The following SOX5 variants were observed in gnomAD, a reference collection of about 807,000 sequenced individuals.
SOX5 encodes the protein transcription factor SOX-5.
In SOX5, 9 loss-of-function variants were observed where a neutral mutation model predicts 92.0. The ratio of observed to expected loss-of-function variants is 0.10; its 90% CI spans 0.06 to 0.17. SOX5 has a LOEUF of 0.17. Ranked by LOEUF, SOX5 falls within the 10% of genes least tolerant of loss-of-function variation. The probability of loss-of-function intolerance (pLI) is 1.00; values close to 1 mark genes in which losing one functional copy is unlikely to be tolerated. For synonymous variants in SOX5, 344 were observed against 336.3 expected (o/e 1.02, Z -0.25); for missense variants, 642 against 944.5 (o/e 0.68, Z 4.20).
Position 23,741,067 on chromosome 12 carries a change from C to A in SOX5, c.569-28G>T, listed in dbSNP as rs760274998. The A allele has an allele frequency of 1.9e-5, 29 of 1,507,730 alleles. No homozygotes were observed. In the South Asian group the frequency reaches 2.4e-4, roughly 13 times the overall value. 93.4% of individuals were successfully genotyped at this position (1,507,730 alleles called of 1,614,324 possible). On this transcript the variant is annotated intron_variant, in intron 4 of 14. Coordinates refer to ENST00000451604, the MANE Select transcript of SOX5 (RefSeq NM_006940.6). Reference sequence around the variant, plus strand: ...ACAAATCATATAGCAATAAAACAGACAAAATAAATGAAAAAAAGTAATTAT... The same window carrying A: ...ACAAATCATATAGCAATAAAACAGAAAAAATAAATGAAAAAAAGTAATTAT...
chr12:24,375,234 A>G (rs1957139718), intron 1 of SOX5, among the ~76,000 whole-genome samples: 3 of 151,498 alleles, frequency 2.0e-5, no homozygotes, highest in African/African-American at 7.3e-5. Flanking sequence ...CAGCCTCCCA[A>G]AGTGCTGGGA....
At chr12:24,233,079 G>C (rs1335163615) in intron 3 of SOX5, among the ~76,000 whole-genome samples, 2 of 152,154 alleles carry the variant, frequency 1.3e-5, no homozygotes, top group Non-Finnish European at 2.9e-5. Context: ...TTCAGAAACT[G>C]TTCTCAGAGC....
chr12:23,916,442 G>A (rs188070703), intron 1 of SOX5, among the ~76,000 whole-genome samples: 24 of 152,242 alleles, frequency 1.6e-4, no homozygotes, highest in Admixed American at 6.5e-4. Context: ...GAGTGATGTC[G>A]AGATAGTTTA....
chr12:24,264,630 T>C (rs550659166), intron 3 of SOX5, among the ~76,000 whole-genome samples: 31 of 152,262 alleles, frequency 2.0e-4, no homozygotes, highest in African/African-American at 7.2e-4. Flanking sequence ...AATAATCACG[T>C]CTTCAAATTA....
chr12:24,265,387 C>CA (rs1356787773), intron 3 of SOX5, among the ~76,000 whole-genome samples: 1 of 151,926 alleles, frequency 6.6e-6, no homozygotes, highest in South Asian at 2.1e-4. Flanking sequence ...ACAAAAAATA[C>CA]AAAAAAGTTA....
chr12:24,122,062 G>A (rs945450070), intron 4 of SOX5, among the ~76,000 whole-genome samples: 1 of 152,058 alleles, frequency 6.6e-6, no homozygotes, highest in Non-Finnish European at 1.5e-5. Context: ...AATTGATTCA[G>A]CTTACACAAT....
chr12:24,370,381 G>A (rs1192162973), intron 1 of SOX5, among the ~76,000 whole-genome samples: 1 of 145,740 alleles, frequency 6.9e-6, no homozygotes, highest in Admixed American at 7.4e-5. Flanking sequence ...GGAGGCCGAG[G>A]CAGGAGAATG....
intron 2 of SOX5, among the ~76,000 whole-genome samples, chr12:24,338,084 A>G (rs1952112976): frequency 1.3e-5 from 2 of 152,210 alleles, no homozygotes; most frequent in South Asian, 4.1e-4. Flanking sequence ...AAACACAAAT[A>G]TAAGTAATGG....
intron 4 of SOX5, among the ~76,000 whole-genome samples, chr12:24,088,313 T>C (rs1450013264): frequency 1.3e-5 from 2 of 152,110 alleles, no homozygotes; most frequent in African/African-American, 4.8e-5. Flanking sequence ...GAATAAGCTG[T>C]CTTAGAATTG....
At chr12:24,124,433 T>C (rs919976714) in intron 4 of SOX5, among the ~76,000 whole-genome samples, 2 of 152,098 alleles carry the variant, frequency 1.3e-5, no homozygotes. Flanking sequence ...AGTCAAATGC[T>C]TGGGACACTT....
intron 3 of SOX5, among the ~76,000 whole-genome samples, chr12:24,266,332 G>A (rs972639737): frequency 3.3e-5 from 5 of 151,938 alleles, no homozygotes; most frequent in South Asian, 2.1e-4. Flanking sequence ...CGACATACAC[G>A]CACATATGAT....
At chr12:24,182,260 T>A (rs985685398) in intron 4 of SOX5, among the ~76,000 whole-genome samples, 1 of 152,134 alleles carries the variant, frequency 6.6e-6, no homozygotes, top group Non-Finnish European at 1.5e-5. Context: ...TTAAAGGGGA[T>A]AAAATTTAAA....
chr12:23,862,598 G>T (rs1291703762), intron 2 of SOX5, among the ~76,000 whole-genome samples: 1 of 152,194 alleles, frequency 6.6e-6, no homozygotes, highest in African/African-American at 2.4e-5. Context: ...CATCAGCATT[G>T]AAAGTAGTAG....
chr12:23,756,173 T>C (rs1448704717), intron 3 of SOX5, among the ~76,000 whole-genome samples: 3 of 151,582 alleles, frequency 2.0e-5, no homozygotes, highest in South Asian at 4.1e-4. Flanking sequence ...CACTTTATAA[T>C]ATGTGTTTAA....
At position 23,786,916 on chromosome 12, in the gene SOX5, G is replaced by A. The variant is rs565960104; in HGVS notation, c.482-31192C>T. Among the ~76,000 whole-genome samples the A allele has an allele frequency of 2.8e-5, 4 of 145,186 alleles. 1 individual carries two copies. The highest frequency in any genetic ancestry group is 1.3e-4 in the Admixed American group (2 of 14,844). Reference sequence around the variant, plus strand: ...CTGAATTAGTTAAGGTTCCTGTTTCGAGTTTTGTAGTGAGTGAAATGAAAA... The same window carrying A: ...CTGAATTAGTTAAGGTTCCTGTTTCAAGTTTTGTAGTGAGTGAAATGAAAA... On this transcript the variant is annotated intron_variant, in intron 3 of 14. Transcript: ENST00000451604.
chr12:23,970,397 A>C lies in SOX5; in HGVS notation c.-1-74373T>G, dbSNP rs540876776. On this transcript the variant is annotated intron_variant, in intron 4 of 4. Coordinates refer to the SOX5 transcript ENST00000446891. ...ACAACTACCACTATCTGTTCTCGAA[A>C]CTTTTTCATCGTCCCTAACAGAAAC... is the stretch of plus-strand genomic sequence containing the variant. Among the ~76,000 whole-genome samples, 22 of 152,230 alleles carry C rather than the reference A, an allele frequency of 1.4e-4. No homozygotes were observed. In the South Asian group the frequency reaches 4.6e-3, roughly 32 times the overall value.
chr12:23,599,709 A>G (rs1428017778), intron 9 of SOX5, among the ~76,000 whole-genome samples: 1 of 152,216 alleles, frequency 6.6e-6, no homozygotes, highest in Non-Finnish European at 1.5e-5. Context: ...CACCTATAAC[A>G]TTTGAGGACT....
intron 3 of SOX5, among the ~76,000 whole-genome samples, chr12:24,234,537 C>T (rs1964062415): frequency 6.6e-6 from 1 of 152,070 alleles, no homozygotes; most frequent in Non-Finnish European, 1.5e-5. Flanking sequence ...ACCACCACGC[C>T]TGGCTAATTT....
intron 1 of SOX5, among the ~76,000 whole-genome samples, chr12:24,396,200 A>C (rs1042334089): frequency 3.3e-5 from 5 of 152,208 alleles, no homozygotes; most frequent in African/African-American, 1.2e-4. Flanking sequence ...TATCAGGGAC[A>C]TGCCCTCTGA....
Sources: allele counts gnomAD v4.1 joint callset (sites outside exome capture counted in the v4.1 genomes callset), GRCh38; gene constraint gnomAD v4.1.1; transcripts MANE v1.5; gene names NCBI Gene and HGNC (gene_info 2026-07-23, HGNC 2026-07-21).